KIAA0825: variants seen among roughly 807,000 people sequenced by gnomAD.
KIAA0825 encodes the protein KIAA0825.
Under a neutral mutation model 147.6 loss-of-function variants are expected in KIAA0825, and 119 were observed. That is an observed-to-expected ratio of 0.81 (90% confidence interval 0.69 to 0.94). The LOEUF is 0.94. Among genes scored for constraint, KIAA0825 ranks in the 40% least tolerant of loss-of-function variants. The pLI, the probability that KIAA0825 is intolerant of heterozygous loss-of-function variation, is 0.00. For missense variants in KIAA0825, 1,381 were observed against 1,472.7 expected (o/e 0.94, Z 1.02); for synonymous variants, 470 against 518.1 (o/e 0.91, Z 1.26).
intron 20 of KIAA0825, among the ~76,000 whole-genome samples, chr5:94,322,838 T>C (rs977044684): frequency 6.6e-5 from 10 of 151,922 alleles, no homozygotes; most frequent in Non-Finnish European, 2.9e-5. Flanking sequence ...CTATTTTCCA[T>C]ATTTTATAAA....
At chr5:94,457,281 T>C (rs1269182717) in intron 12 of KIAA0825, among the ~76,000 whole-genome samples, 1 of 152,220 alleles carries the variant, frequency 6.6e-6, no homozygotes, top group East Asian at 1.9e-4. Context: ...GAGGATGCTC[T>C]AAATAATTCA....
intron 14 of KIAA0825, among the ~76,000 whole-genome samples, chr5:94,425,227 A>G (rs534349967): frequency 1.2e-4 from 19 of 152,306 alleles, no homozygotes; most frequent in African/African-American, 4.3e-4. Flanking sequence ...AAATGCAAAA[A>G]TTGTCAATAA....
chr5:94,558,092 G>T (rs1160081678), intron 2 of KIAA0825, among the ~76,000 whole-genome samples: 1 of 152,120 alleles, frequency 6.6e-6, no homozygotes, highest in Non-Finnish European at 1.5e-5. Flanking sequence ...TCGTTCCACG[G>T]TTCTCTTCTA....
At chr5:94,378,202 A>G (rs1747859215) in intron 20 of KIAA0825, among the ~76,000 whole-genome samples, 1 of 152,200 alleles carries the variant, frequency 6.6e-6, no homozygotes. Flanking sequence ...TTATTTCATC[A>G]TGCAGGTAAT....
At chr5:94,396,035 T>G (rs1750612185) in intron 17 of KIAA0825, 66 bp downstream of exon 17, 3 of 1,335,336 alleles carry the variant, frequency 2.2e-6, no homozygotes, top group Admixed American at 3.5e-5. Context: ...ATATTGTCAT[T>G]TATTGGTGAT....
rs79451587 is a variant in KIAA0825 at position 94,391,427 on chromosome 5, T to C, written c.3456+108A>G. 4.9e-3 allele frequency: 5,154 copies of C among 1,044,696 alleles called. 179 individuals carry two copies. In the African/African-American group the frequency reaches 0.075, roughly 15 times the overall value. 64.7% of individuals were successfully genotyped at this position (1,044,696 alleles called of 1,614,324 possible). On this transcript the variant is annotated intron_variant, in intron 18 of 20. Coordinates refer to ENST00000682413, the MANE Select transcript of KIAA0825 (RefSeq NM_001145678.3). Reference sequence around the variant, plus strand: ...TAATAATGCAATATTGAGTTTGGTATTGACTTTAAGAAGTATTATCACCTC... The same window carrying C: ...TAATAATGCAATATTGAGTTTGGTACTGACTTTAAGAAGTATTATCACCTC...
At chr5:94,467,237 CA>C (rs1241665606) in intron 10 of KIAA0825, among the ~76,000 whole-genome samples, 1 of 152,170 alleles carries the variant, frequency 6.6e-6, no homozygotes, top group Non-Finnish European at 1.5e-5. Flanking sequence ...TCAATGTATG[CA>C]AGGGTTTTCA....
intron 20 of KIAA0825, among the ~76,000 whole-genome samples, chr5:94,169,223 T>G (rs1768356366): frequency 2.0e-5 from 3 of 152,192 alleles, no homozygotes; most frequent in African/African-American, 7.2e-5. Context: ...TAATATTGTG[T>G]TTAGAAAAGG....
chr5:94,410,198 GAA>G (rs70978107), intron 15 of KIAA0825, among the ~76,000 whole-genome samples: 2,782 of 137,140 alleles, frequency 0.02, 43 homozygotes, highest in African/African-American at 0.033. Context: ...AGACACTGCA[GAA>G]AAAAAAAAAA....
chr5:94,224,701 A>G (rs1774003421), intron 20 of KIAA0825, among the ~76,000 whole-genome samples: 1 of 152,184 alleles, frequency 6.6e-6, no homozygotes, highest in African/African-American at 2.4e-5. Context: ...AGACTTAACA[A>G]TGGCTAAGGG....
chr5:94,446,439 T>C (rs559967009), intron 13 of KIAA0825, among the ~76,000 whole-genome samples: 6 of 152,240 alleles, frequency 3.9e-5, no homozygotes, highest in African/African-American at 1.2e-4. Flanking sequence ...GTCTTTGGGG[T>C]TGATAAAAGG....
Position 94,470,225 on chromosome 5 carries a change from C to T in KIAA0825, c.1722-114G>A, listed in dbSNP as rs552959291. The stretch of plus-strand genomic sequence containing the variant: ...ATTAGATATCAATCATTCATTTCCT[C>T]TTAATGCTGAAGTCTGCATCCACAT... On this transcript the variant is annotated intron_variant, in intron 9 of 20. Coordinates refer to ENST00000682413, the MANE Select transcript of KIAA0825 (RefSeq NM_001145678.3). 4.7e-6 allele frequency: 3 copies of T among 645,136 alleles called. No individual in the cohort carries two copies. In the South Asian group the frequency reaches 1.7e-4, roughly 36 times the overall value. 40.0% of individuals were successfully genotyped at this position (645,136 alleles called of 1,614,324 possible). A position where few individuals can be genotyped will look rare whatever the true frequency, so the allele number is the denominator to read the frequency against.
At chr5:94,522,601 T>A (rs1358836885) in intron 4 of KIAA0825, among the ~76,000 whole-genome samples, 8 of 151,632 alleles carry the variant, frequency 5.3e-5, no homozygotes, top group Non-Finnish European at 1.2e-4. Flanking sequence ...ACAAGAAATT[T>A]TCTATGAAAA....
chr5:94,583,434 G>A (rs765678780), intron 1 of KIAA0825, among the ~76,000 whole-genome samples: 3 of 152,236 alleles, frequency 2.0e-5, no homozygotes, highest in Non-Finnish European at 4.4e-5. Flanking sequence ...GACCTGGGAT[G>A]CTGGAGCTTG....
At chr5:94,168,284 C>A (rs1478286977) in intron 20 of KIAA0825, among the ~76,000 whole-genome samples, 4 of 152,012 alleles carry the variant, frequency 2.6e-5, no homozygotes, top group African/African-American at 9.7e-5. Flanking sequence ...TGTTCTTTTG[C>A]AAGGTTGTTG....
intron 20 of KIAA0825, among the ~76,000 whole-genome samples, chr5:94,362,716 T>C (rs543442354): frequency 6.6e-6 from 1 of 150,544 alleles, no homozygotes; most frequent in African/African-American, 2.4e-5. Context: ...CAGCAGGGGC[T>C]GTGTCTGGCT....
At chr5:94,400,969 T>A (rs1751296507) in intron 16 of KIAA0825, among the ~76,000 whole-genome samples, 1 of 152,128 alleles carries the variant, frequency 6.6e-6, no homozygotes, top group Non-Finnish European at 1.5e-5. Context: ...TATTTGTCTT[T>A]TAGTAAGTTA....
intron 6 of KIAA0825, among the ~76,000 whole-genome samples, chr5:94,483,919 T>C (rs1762761530): frequency 6.6e-6 from 1 of 151,592 alleles, no homozygotes; most frequent in Admixed American, 6.6e-5. Context: ...TCACTTTTTT[T>C]TGCAGATGCA....
In KIAA0825 at chr5:94,565,418, C is replaced by T. The variant is rs188710896; in HGVS notation, c.-2+17015G>A. Among the ~76,000 whole-genome samples the T allele has an allele frequency of 1.2e-4, 18 of 151,190 alleles. No homozygotes were observed. The East Asian group carries it at 2.7e-3, about 23-fold the overall frequency. On this transcript the variant is annotated intron_variant, in intron 2 of 20. Transcript: ENST00000682413. ...GTGCAGTGGTGCAATCTCAGCTCACCGCAACCTCTGCCTCCCAGGTTGAGG... is the reference window on the plus strand; with the variant it reads ...GTGCAGTGGTGCAATCTCAGCTCACTGCAACCTCTGCCTCCCAGGTTGAGG...
Sources: gnomAD v4.1 joint callset for allele counts (sites outside exome capture counted in the v4.1 genomes callset) on GRCh38, gnomAD v4.1.1 for gene constraint, MANE v1.5 for transcripts, NCBI Gene and HGNC (gene_info 2026-07-23, HGNC 2026-07-21) for gene names.